PHF20: variants seen among roughly 807,000 people sequenced by gnomAD.
PHF20 encodes PHD finger protein 20.
In PHF20, 23 loss-of-function variants were observed where a neutral mutation model predicts 113.5. The ratio of observed to expected loss-of-function variants is 0.20; its 90% CI spans 0.15 to 0.29. The LOEUF (loss-of-function observed/expected upper bound fraction) is 0.29. PHF20 is among the 10% of genes least tolerant of loss of function. The pLI, the probability that PHF20 is intolerant of heterozygous loss-of-function variation, is 1.00. For synonymous variants in PHF20, 434 were observed against 457.3 expected (o/e 0.95, Z 0.65); for missense variants, 943 against 1,219.6 (o/e 0.77, Z 3.38).
intron 1 of PHF20, among the ~76,000 whole-genome samples, chr20:35,775,485 G>C (rs1270091061): frequency 6.6e-6 from 1 of 152,000 alleles, no homozygotes; most frequent in Non-Finnish European, 1.5e-5. Flanking sequence ...GGCTGGGCAC[G>C]GTGGCTCATG....
intron 9 of PHF20, among the ~76,000 whole-genome samples, chr20:35,872,249 G>C (rs905235583): frequency 6.6e-6 from 1 of 151,520 alleles, no homozygotes; most frequent in Non-Finnish European, 1.5e-5. Context: ...CTGGCTGGGC[G>C]CGATGGCTCA....
intron 2 of PHF20, among the ~76,000 whole-genome samples, chr20:35,824,549 G>A (rs181809497): frequency 6.5e-4 from 99 of 151,916 alleles, no homozygotes; most frequent in Middle Eastern, 6.8e-3. Flanking sequence ...AGAGGTTTCA[G>A]TGAGCCAAGA....
chr20:35,894,515 G>A (rs2054941090), intron 9 of PHF20, among the ~76,000 whole-genome samples: 1 of 152,238 alleles, frequency 6.6e-6, no homozygotes, highest in Non-Finnish European at 1.5e-5. Flanking sequence ...TCTGGCATGA[G>A]CATGCAGTGA....
Position 35,931,378 on chromosome 20 carries a change from T to C in PHF20, c.2234T>C (p.Leu745Pro). ...NAKKIVATHQ[L>P]LGDVQRVIEV... is the part of the protein sequence containing the mutation. ...AAGAAGATCGTGGCCACCCACCAGC[T>C]TCTTGGTGATGTGCAGAGAGTGATT... Residue 745 changes from leucine to proline, a missense_variant, in exon 15 of 18, where the codon CTT becomes CCT. Transcript: ENST00000374012. 6.2e-7 allele frequency: 1 copy of C among 1,614,024 alleles called. No homozygotes were observed. The highest frequency in any genetic ancestry group is 8.5e-7 in the Non-Finnish European group (1 of 1,180,008).
chr20:35,816,452 G>GTT (rs1247575994), intron 2 of PHF20, among the ~76,000 whole-genome samples: 14 of 143,928 alleles, frequency 9.7e-5, no homozygotes, highest in Non-Finnish European at 1.5e-4. Flanking sequence ...CTTTTTTTAA[G>GTT]TTTTTTTTTT....
At position 35,863,035 on chromosome 20, in the gene PHF20, C is replaced by T. The variant is rs2054245375; in HGVS notation, c.443C>T (p.Pro148Leu). ...KDQNIVGNAR[P>L]KETDHKSLSS... ...TAGAATATTGTGGGTAATGCTAGGC[C>T]TAAAGAAACAGATCACAAAAGTCTT... is the stretch of plus-strand genomic sequence containing the variant. The change falls in exon 6 of 18, where the codon CCT becomes CTT. Residue 148 changes from proline (P) to leucine (L), a missense_variant. Physicochemically the swap from Pro to Leu is moderately conservative, Grantham distance 98. Coordinates refer to ENST00000374012, the MANE Select transcript of PHF20 (RefSeq NM_016436.5). The T allele has an allele frequency of 6.3e-7, 1 of 1,590,602 alleles. No individual in the cohort carries two copies. Among genetic ancestry groups the T allele is most frequent in the African/African-American group, 1.4e-5 (1 of 73,058 alleles).
chr20:35,822,424 CAAA>C (rs113601542), intron 2 of PHF20, among the ~76,000 whole-genome samples: 2 of 124,254 alleles, frequency 1.6e-5, no homozygotes, highest in Non-Finnish European at 3.5e-5. Context: ...GACCCTGTTT[CAAA>C]AAAAAAAAGA....
intron 2 of PHF20, among the ~76,000 whole-genome samples, chr20:35,827,739 C>T (rs549677448): frequency 6.1e-5 from 9 of 147,908 alleles, no homozygotes; most frequent in African/African-American, 1.3e-4. Flanking sequence ...GCCAAGATGA[C>T]GCCACTGCGC....
intron 10 of PHF20, among the ~76,000 whole-genome samples, chr20:35,910,647 C>A (rs908743092): frequency 6.6e-6 from 1 of 151,920 alleles, no homozygotes; most frequent in Non-Finnish European, 1.5e-5. Flanking sequence ...TTCTTCCCCC[C>A]CGAGATGGAG....
intron 1 of PHF20, among the ~76,000 whole-genome samples, chr20:35,798,706 G>A (rs933107651): frequency 6.6e-6 from 1 of 151,646 alleles, no homozygotes; most frequent in Non-Finnish European, 1.5e-5. Context: ...CGGCAGCCTC[G>A]GCCTCCCAAA....
intron 9 of PHF20, among the ~76,000 whole-genome samples, chr20:35,881,539 TAAA>T (rs373064389): frequency 1.8e-5 from 2 of 109,388 alleles, no homozygotes. Context: ...AGACTCTGTC[TAAA>T]AAAAAAAAAA....
chr20:35,859,732 A>G (rs537301005), intron 5 of PHF20, among the ~76,000 whole-genome samples: 8 of 152,088 alleles, frequency 5.3e-5, no homozygotes, highest in African/African-American at 1.2e-4. Flanking sequence ...TTTGGTAGAG[A>G]CAGGGTTTCA....
At chr20:35,881,453 A>G (rs1267176191) in intron 9 of PHF20, among the ~76,000 whole-genome samples, 1 of 149,986 alleles carries the variant, frequency 6.7e-6, no homozygotes, top group African/African-American at 2.4e-5. Flanking sequence ...AGGTGGGCGA[A>G]TTGCTTGAAC....
chr20:35,911,184 G>A (rs1038891401), intron 10 of PHF20, among the ~76,000 whole-genome samples: 3 of 152,120 alleles, frequency 2.0e-5, no homozygotes, highest in Admixed American at 6.5e-5. Context: ...GGGACTACAG[G>A]CGCCCGCTAC....
At chr20:35,806,957 G>A (rs981999466) in intron 2 of PHF20, among the ~76,000 whole-genome samples, 3 of 151,804 alleles carry the variant, frequency 2.0e-5, no homozygotes, top group Non-Finnish European at 4.4e-5. Flanking sequence ...CACCACGCCC[G>A]GCTAATTTTT....
At chr20:35,889,809 ACCTCTGT>A (rs1231462353) in intron 9 of PHF20, among the ~76,000 whole-genome samples, 3 of 151,494 alleles carry the variant, frequency 2.0e-5, no homozygotes, top group Admixed American at 6.6e-5. Flanking sequence ...TCTCACTGCA[ACCTCTGT>A]CCCCAGGTTC....
intron 2 of PHF20, among the ~76,000 whole-genome samples, chr20:35,824,626 C>A (rs895241547): frequency 2.0e-5 from 3 of 151,798 alleles, no homozygotes; most frequent in African/African-American, 7.3e-5. Context: ...AAAAATTTAC[C>A]ATTTCAAAGC....
rs1269346715 is a variant in PHF20, at chr20:35,950,109, T to C, written c.*2482T>C. ...ATATGTGCACTACCTAAGTTTTGTC[T>C]TTAGAAAAACTATCCACCTATAAAA... On this transcript the variant is annotated 3_prime_UTR_variant, in exon 18 of 18. Coordinates refer to ENST00000374012, the MANE Select transcript of PHF20 (RefSeq NM_016436.5). The C allele has an allele frequency of 6.6e-6, 1 of 152,616 alleles. No individual in the cohort carries two copies. Among genetic ancestry groups the C allele is most frequent in the Non-Finnish European group, 1.5e-5 (1 of 68,034 alleles). 9.5% of individuals were successfully genotyped at this position (152,616 alleles called of 1,614,324 possible). A position where few individuals can be genotyped will look rare whatever the true frequency, so the allele number is the denominator to read the frequency against.
chr20:35,850,835 C>T (rs2042718119), intron 4 of PHF20: 2 of 1,153,770 alleles, frequency 1.7e-6, no homozygotes, highest in African/African-American at 3.1e-5. Context: ...GTGTATGTTT[C>T]TGGTGGCTCT....
Sources: gnomAD v4.1 joint callset for allele counts (sites outside exome capture counted in the v4.1 genomes callset) on GRCh38, gnomAD v4.1.1 for gene constraint, MANE v1.5 for transcripts, NCBI Gene and HGNC (gene_info 2026-07-23, HGNC 2026-07-21) for gene names.